The following RAB14 variants were observed in gnomAD, a reference collection of about 807,000 sequenced individuals.
RAB14 encodes the protein RAB14, member RAS oncogene family.
A neutral mutation model predicts 31.1 loss-of-function variants in RAB14; 3 were observed. The ratio of observed to expected loss-of-function variants is 0.10; its 90% confidence interval spans 0.04 to 0.25. The LOEUF (loss-of-function observed/expected upper bound fraction) is 0.25. RAB14 is among the 10% of genes least tolerant of loss of function. The pLI, the probability that RAB14 is intolerant of heterozygous loss-of-function variation, is 1.00. For missense variants in RAB14, 111 were observed against 260.1 expected, an observed-to-expected ratio of 0.43 and a Z score of 3.94; for synonymous variants, 85 against 84.9, an observed-to-expected ratio of 1.00 and a Z score of 0.00.
At chr9:121,190,200 CT>C (rs1296858794) in intron 4 of RAB14, among the ~76,000 whole-genome samples, 6 of 152,066 alleles carry the variant, frequency 3.9e-5, no homozygotes, top group African/African-American at 1.4e-4. Flanking sequence ...ACACTAGAGA[CT>C]AAATAGAGTA....
At chr9:121,200,746 T>C (rs1009645626) in intron 1 of RAB14, among the ~76,000 whole-genome samples, 1 of 152,202 alleles carries the variant, frequency 6.6e-6, no homozygotes, top group African/African-American at 2.4e-5. Context: ...CAGTTTGTAA[T>C]GTACCATCAA....
At chr9:121,189,090 T>A (rs545945452) in intron 4 of RAB14, among the ~76,000 whole-genome samples, 56 of 152,232 alleles carry the variant, frequency 3.7e-4, no homozygotes, top group African/African-American at 1.3e-3. Context: ...AGCATAATGT[T>A]TTCAAGTTTC....
chr9:121,184,483 C>G (rs1192479590), intron 5 of RAB14, among the ~76,000 whole-genome samples: 3 of 152,148 alleles, frequency 2.0e-5, no homozygotes, highest in Admixed American at 1.3e-4. Flanking sequence ...TTATTTGACA[C>G]CAACTGGTAA....
rs1049865561 is a variant in RAB14, at chr9:121,178,697, A to C, written c.*2699T>G. 1 of 152,136 alleles carries C rather than the reference A, an allele frequency of 6.6e-6. No homozygotes were observed. The highest frequency in any genetic ancestry group is 1.5e-5 in the Non-Finnish European group (1 of 67,990). The allele number at this position is 152,136 out of a possible 1,614,324, so 9.4% of individuals were successfully genotyped here. ...ACGTGTAAACCACCAACCAAAAAAAAATAATAAGTTACTCCATCAAACACG... is the reference window on the plus strand; with the variant it reads ...ACGTGTAAACCACCAACCAAAAAAACATAATAAGTTACTCCATCAAACACG... On this transcript the variant is annotated 3_prime_UTR_variant, in exon 8 of 8. Transcript: ENST00000373840.
chr9:121,200,641 A>G (rs2053759441), intron 1 of RAB14, among the ~76,000 whole-genome samples: 1 of 152,228 alleles, frequency 6.6e-6, no homozygotes, highest in Non-Finnish European at 1.5e-5. Flanking sequence ...AAAAAGGAAT[A>G]AAGTTGTAAC....
chr9:121,200,829 G>A (rs145386522), intron 1 of RAB14, among the ~76,000 whole-genome samples: 76 of 152,242 alleles, frequency 5.0e-4, no homozygotes, highest in African/African-American at 1.7e-3. Context: ...ATCTCCGAGG[G>A]CTACGCGGGG....
At position 121,186,830 on chromosome 9, in the gene RAB14, A is replaced by G; in HGVS notation, c.351+123T>C. 3 of 528,394 alleles carry G rather than the reference A, an allele frequency of 5.7e-6. 1 individual carries two copies. In the Middle Eastern group the frequency reaches 1.5e-3, roughly 265 times the overall value. The allele number at this position is 528,394 out of a possible 1,614,324, so 32.7% of individuals were successfully genotyped here. A position where few individuals can be genotyped will look rare whatever the true frequency, so the allele number is the denominator to read the frequency against. On this transcript the variant is annotated intron_variant, in intron 5 of 7. Transcript: ENST00000373840. ...TTAGGTTTTCTTCAACTAATTGAAG[A>G]ATACAATAAAAATTCTCTCATTCTT...
At chr9:121,201,388 GC>G (rs1213441522) in intron 1 of RAB14, among the ~76,000 whole-genome samples, 1 of 152,056 alleles carries the variant, frequency 6.6e-6, no homozygotes, top group African/African-American at 2.4e-5. Context: ...GGAGCGCCCC[GC>G]CGGTTGGGGA....
In RAB14 at chr9:121,187,023, C is replaced by A; in HGVS notation, c.285-4G>T. 3.3e-6 allele frequency: 5 copies of A among 1,531,600 alleles called. No individual in the cohort carries two copies. The highest frequency in any genetic ancestry group is 2.6e-5 in the South Asian group (2 of 75,728). 94.9% of individuals were successfully genotyped at this position (1,531,600 alleles called of 1,614,324 possible). ...TAAGTGGTTATATGTACTTCTTCTG[C>A]AAAAATAAAAGTTTAAATTTGTGAC... On this transcript the variant is annotated splice_polypyrimidine_tract_variant and splice_region_variant and intron_variant, in intron 4 of 7. Transcript: ENST00000373840.
At chr9:121,184,497 C>A (rs750112028) in intron 5 of RAB14, among the ~76,000 whole-genome samples, 9 of 152,152 alleles carry the variant, frequency 5.9e-5, no homozygotes, top group Non-Finnish European at 1.0e-4. Context: ...CTGGTAAAAT[C>A]CTTCCCTTTT....
chr9:121,200,872 G>A (rs974427717), intron 1 of RAB14, among the ~76,000 whole-genome samples: 1 of 152,154 alleles, frequency 6.6e-6, no homozygotes, highest in South Asian at 2.1e-4. Context: ...ACATAAATAT[G>A]TACCTGGCCC....
chr9:121,192,293 C>A, intron 2 of RAB14, 69 bp from the exon 3 acceptor site: 2 of 1,183,036 alleles, frequency 1.7e-6, no homozygotes, highest in South Asian at 1.4e-5. Flanking sequence ...TCGCTATATT[C>A]CTTACCATAT....
chr9:121,190,664 T>C lies in RAB14; in HGVS notation c.174A>G (p.Gln58=). ...FGTRIIEVSG[Q]KIKLQIWDTA... ...TATCCCAAATCTGCAGTTTTATTTTTTGGCCACTAACTTCGATTATTCTTG... is the reference window on the plus strand; with the variant it reads ...TATCCCAAATCTGCAGTTTTATTTTCTGGCCACTAACTTCGATTATTCTTG... The change falls in exon 4 of 8, where the codon CAA becomes CAG. Residue 58 remains glutamine (Q), a synonymous_variant. Coordinates refer to ENST00000373840, the MANE Select transcript of RAB14 (RefSeq NM_016322.4). The C allele has an allele frequency of 6.2e-7, 1 of 1,613,376 alleles. No individual in the cohort carries two copies. Among genetic ancestry groups the C allele is most frequent in the South Asian group, 1.1e-5 (1 of 91,066 alleles).
chr9:121,201,171 C>T (rs1219607704), intron 1 of RAB14, among the ~76,000 whole-genome samples: 1 of 152,166 alleles, frequency 6.6e-6, no homozygotes, highest in Admixed American at 6.5e-5. Context: ...GTACTCAGAG[C>T]CAGACGCGGC....
intron 1 of RAB14, among the ~76,000 whole-genome samples, chr9:121,193,776 T>C (rs2053699150): frequency 6.6e-6 from 1 of 152,166 alleles, no homozygotes; most frequent in Non-Finnish European, 1.5e-5. Context: ...AAGTTAAACA[T>C]CACTATAGTC....
intron 1 of RAB14, among the ~76,000 whole-genome samples, chr9:121,193,962 T>A (rs1223081849): frequency 6.6e-6 from 1 of 152,144 alleles, no homozygotes; most frequent in African/African-American, 2.4e-5. Context: ...CAAAGAGCAA[T>A]CGTATGATTT....
At chr9:121,189,049 T>A (rs556969224) in intron 4 of RAB14, among the ~76,000 whole-genome samples, 4 of 152,262 alleles carry the variant, frequency 2.6e-5, no homozygotes, top group Admixed American at 2.0e-4. Flanking sequence ...TCATACAGTA[T>A]GTGTCTCTTA....
intron 4 of RAB14, among the ~76,000 whole-genome samples, chr9:121,187,992 T>C (rs2053666746): frequency 6.6e-6 from 1 of 151,978 alleles, no homozygotes; most frequent in African/African-American, 2.4e-5. Context: ...TTCCATGATC[T>C]CTAGCTGCCA....
At chr9:121,189,105 A>G (rs962620232) in intron 4 of RAB14, among the ~76,000 whole-genome samples, 7 of 152,080 alleles carry the variant, frequency 4.6e-5, no homozygotes, top group South Asian at 2.1e-4. Flanking sequence ...AGTTTCATCT[A>G]TGTTGTGGCC....
Sources: allele counts gnomAD v4.1 joint callset (sites outside exome capture counted in the v4.1 genomes callset), GRCh38; gene constraint gnomAD v4.1.1; transcripts MANE v1.5; gene names NCBI Gene and HGNC (gene_info 2026-07-23, HGNC 2026-07-21).